STRIP2: variants seen among roughly 807,000 people sequenced by gnomAD.
STRIP2 encodes the protein striatin-interacting protein 2.
In STRIP2, 84 loss-of-function variants were observed where a neutral mutation model predicts 107.1. The ratio of observed to expected loss-of-function variants is 0.78; its 90% confidence interval spans 0.66 to 0.94. STRIP2 has a LOEUF of 0.94. Ranked by LOEUF, STRIP2 falls within the 40% of genes least tolerant of loss-of-function variation. STRIP2 has a pLI of 0.00. For missense variants in STRIP2, 888 were observed against 1,034.2 expected (o/e 0.86, Z 1.94); for synonymous variants, 394 against 400.4 (o/e 0.98, Z 0.19).
rs1412423677 is a variant in STRIP2 at position 129,458,130 on chromosome 7, G to A, written c.1039-85G>A. ...CAGATTCCATGTTCCCTGAAATGTG[G>A]AGGCCTGTGGATATGGGGTGGCCTC... On this transcript the variant is annotated intron_variant, in intron 9 of 20. Coordinates refer to ENST00000249344, the MANE Select transcript of STRIP2 (RefSeq NM_020704.3). The surrounding 1 kb of genome is among the most constrained non-coding windows in gnomAD (Gnocchi z 4.6). 1 of 971,328 alleles carries A rather than the reference G, an allele frequency of 1.0e-6. No individual in the cohort carries two copies. The highest frequency in any genetic ancestry group is 1.4e-5 in the South Asian group (1 of 72,960). 60.2% of individuals were successfully genotyped at this position (971,328 alleles called of 1,614,324 possible).
chr7:129,476,213 A>AC (rs1383614216), intron 18 of STRIP2, among the ~76,000 whole-genome samples: 1 of 8,338 alleles, frequency 1.2e-4, no homozygotes, highest in Non-Finnish European at 5.3e-4. Flanking sequence ...TCCCTCCCGG[A>AC]CGGGGCGGCT....
chr7:129,456,555 C>A lies in STRIP2; in HGVS notation c.951C>A (p.Ala317=). The A allele has an allele frequency of 6.2e-7, 1 of 1,614,140 alleles. No individual in the cohort carries two copies. Among genetic ancestry groups the A allele is most frequent in the Non-Finnish European group, 8.5e-7 (1 of 1,180,016 alleles). The change falls in exon 9 of 21, where the codon GCC becomes GCA. Residue 317 remains alanine, a synonymous_variant. Transcript: ENST00000249344. ...AGGTGGTGAAGAGCATGCGTGCTGC[C>A]TCCCCGCCCTCTTACACTCTTGACC... ...SIQVVKSMRA[A]SPPSYTLDLG... is the part of the protein sequence containing the mutation.
At chr7:129,449,463 CTG>C (rs1798123791) in intron 3 of STRIP2, among the ~76,000 whole-genome samples, 1 of 152,156 alleles carries the variant, frequency 6.6e-6, no homozygotes, top group African/African-American at 2.4e-5. Flanking sequence ...ACTGCCATCA[CTG>C]TTGCTTCAGG....
At chr7:129,460,187 G>T in intron 12 of STRIP2, 114 bp from the exon 13 acceptor site, 1 of 844,476 alleles carries the variant, frequency 1.2e-6, no homozygotes, top group South Asian at 1.8e-5. Flanking sequence ...GTCTATGTGG[G>T]GTAACAAACC....
intron 1 of STRIP2, among the ~76,000 whole-genome samples, chr7:129,435,110 C>T (rs989485271): frequency 5.9e-5 from 9 of 152,300 alleles, no homozygotes; most frequent in East Asian, 1.9e-4. Flanking sequence ...TGCCCGTCCC[C>T]TTCCCCCCGT....
At chr7:129,455,201 G>A in intron 7 of STRIP2, 43 bp from the exon 8 acceptor site, 1 of 1,580,436 alleles carries the variant, frequency 6.3e-7, no homozygotes, top group South Asian at 1.2e-5. Context: ...GGTTTTAGCT[G>A]CCTCATCCTC....
At chr7:129,472,947 C>A (rs976985941) in intron 18 of STRIP2, among the ~76,000 whole-genome samples, 1 of 151,478 alleles carries the variant, frequency 6.6e-6, no homozygotes, top group African/African-American at 2.4e-5. Context: ...CCACCATGCC[C>A]AGCTAATTTT....
chr7:129,464,495 C>A, intron 15 of STRIP2, 117 bp from the exon 16 acceptor site: 1 of 1,168,482 alleles, frequency 8.6e-7, no homozygotes, highest in South Asian at 1.5e-5. Context: ...CACAGAAGTT[C>A]AAGTTTCCCA....
chr7:129,469,749 G>T (rs930884301), intron 17 of STRIP2, among the ~76,000 whole-genome samples: 1 of 152,212 alleles, frequency 6.6e-6, no homozygotes, highest in Non-Finnish European at 1.5e-5. Context: ...TACTTGTATA[G>T]AAGTTTTGAC....
intron 4 of STRIP2, 29 bp downstream of exon 4, chr7:129,451,776 G>T (rs1050648803): frequency 2.6e-6 from 4 of 1,535,220 alleles, no homozygotes; most frequent in Non-Finnish European, 3.5e-6. Context: ...TAGCTTTAGA[G>T]GGGTGGAGGC....
intron 19 of STRIP2, 31 bp downstream of exon 19, chr7:129,480,920 T>C: frequency 6.5e-7 from 1 of 1,545,330 alleles, no homozygotes; most frequent in East Asian, 2.3e-5. Context: ...CATGGAGTTG[T>C]CCATCTGACT....
At position 129,455,267 on chromosome 7, in the gene STRIP2, C is replaced by A. The variant is rs771305258; in HGVS notation, c.730C>A (p.Pro244Thr). The change falls in exon 8 of 21, where the codon CCT becomes ACT. Residue 244 changes from proline (P) to threonine (T), a missense_variant. Physicochemically the swap from Pro to Thr is conservative, Grantham distance 38 (BLOSUM62 -1). Transcript: ENST00000249344. ...AGGCTTCTCCATGCATAATGAGGAGCCTTTTGCCCTTTTACTCTTCTCCAT... is the reference window on the plus strand; with the variant it reads ...AGGCTTCTCCATGCATAATGAGGAGACTTTTGCCCTTTTACTCTTCTCCAT... ...ELSFSMHNEE[P>T]FALLLFSMVT... 6.2e-7 allele frequency: 1 copy of A among 1,613,590 alleles called. No individual in the cohort carries two copies. Among genetic ancestry groups the A allele is most frequent in the African/African-American group, 1.3e-5 (1 of 74,892 alleles).
At chr7:129,477,822 A>G (rs532443740) in intron 18 of STRIP2, 9 of 342,706 alleles carry the variant, frequency 2.6e-5, no homozygotes, top group South Asian at 2.1e-4. Flanking sequence ...CACAGGAGCA[A>G]GAGAGAAGCC....
At position 129,485,900 on chromosome 7, in the gene STRIP2, C is replaced by G; in HGVS notation, c.*71C>G. ...TAAACTGTGCTCTGCCTACCCTGTCCATACAGGCGCTGTTACCAGTTCAGG... is the reference window on the plus strand; with the variant it reads ...TAAACTGTGCTCTGCCTACCCTGTCGATACAGGCGCTGTTACCAGTTCAGG... On this transcript the variant is annotated 3_prime_UTR_variant, in exon 21 of 21. Transcript: ENST00000249344. The G allele has an allele frequency of 6.4e-7, 1 of 1,560,418 alleles. No individual in the cohort carries two copies. Among genetic ancestry groups the G allele is most frequent in the South Asian group, 1.1e-5 (1 of 87,028 alleles).
intron 5 of STRIP2, among the ~76,000 whole-genome samples, chr7:129,453,905 G>A (rs1798266524): frequency 6.6e-6 from 1 of 152,190 alleles, no homozygotes; most frequent in Non-Finnish European, 1.5e-5. Context: ...TCTAAGCATA[G>A]TGGGGAATGC....
chr7:129,438,835 A>G (rs1797822573), intron 1 of STRIP2, among the ~76,000 whole-genome samples: 1 of 152,202 alleles, frequency 6.6e-6, no homozygotes, highest in African/African-American at 2.4e-5. Flanking sequence ...TAGAATTATA[A>G]TTTTATTATA....
chr7:129,477,021 G>A (rs973552748), intron 18 of STRIP2, among the ~76,000 whole-genome samples: 3 of 151,606 alleles, frequency 2.0e-5, no homozygotes, highest in South Asian at 4.2e-4. Flanking sequence ...AAAAAAATAC[G>A]AAAACCAGTC....
At chr7:129,463,964 G>C in intron 14 of STRIP2, 80 bp from the exon 15 acceptor site, 1 of 1,066,674 alleles carries the variant, frequency 9.4e-7, no homozygotes. Context: ...ACTTTTTATA[G>C]GGCGGTTAGG....
chr7:129,480,231 A>G (rs1193470036), intron 18 of STRIP2, among the ~76,000 whole-genome samples: 1 of 152,212 alleles, frequency 6.6e-6, no homozygotes, highest in Non-Finnish European at 1.5e-5. Flanking sequence ...CAAGAAATAT[A>G]TAAGAAAAAT....
Sources: gnomAD v4.1 joint callset for allele counts (sites outside exome capture counted in the v4.1 genomes callset) on GRCh38, gnomAD v4.1.1 for gene constraint, Gnocchi (gnomAD v3.1) non-coding constraint, MANE v1.5 for transcripts, NCBI Gene and HGNC (gene_info 2026-07-23, HGNC 2026-07-21) for gene names.